The following RTL4 variants were observed in gnomAD, a reference collection of about 807,000 sequenced individuals.
RTL4 encodes retrotransposon Gag like 4.
RTL4 carries 4 observed loss-of-function variants against 5.3 expected under a neutral mutation model. That is an observed-to-expected ratio of 0.75 (90% CI 0.37 to 1.72). The LOEUF (loss-of-function observed/expected upper bound fraction) is 1.72, where lower values mean the gene tolerates loss of function less well. Ranked by LOEUF, RTL4 falls within the 40% of genes most tolerant of loss-of-function variation. The pLI, the probability that RTL4 is intolerant of heterozygous loss-of-function variation, is 0.04. For missense variants in RTL4, 260 were observed against 227.1 expected (o/e 1.14, Z -0.93); for synonymous variants, 98 against 87.3 (o/e 1.12, Z -0.68).
At chrX:112,312,063 A>G in the RTL4 span, among the ~76,000 whole-genome samples, 3 of 111,893 alleles carry the variant, frequency 2.7e-5, no homozygotes, top group Non-Finnish European at 5.6e-5. Flanking sequence ...TAACAATAAT[A>G]TTGGATAGTT....
the RTL4 span, among the ~76,000 whole-genome samples, chrX:112,122,386 A>G: frequency 9.0e-6 from 1 of 110,986 alleles, no homozygotes; most frequent in African/African-American, 3.3e-5. Flanking sequence ...AATTAAAACA[A>G]TTGAACTCAT....
At chrX:112,405,520 C>T in the RTL4 span, among the ~76,000 whole-genome samples, 1 of 112,163 alleles carries the variant, frequency 8.9e-6, no homozygotes, top group African/African-American at 3.2e-5. Flanking sequence ...TAGCTTGCTT[C>T]TCTTTCCAGG....
the RTL4 span, among the ~76,000 whole-genome samples, chrX:112,237,742 G>A: frequency 0.15 from 16,980 of 111,242 alleles, 897 homozygotes; most frequent in Non-Finnish European, 0.17. Context: ...ATTACCGAGC[G>A]TTACCTGTAT....
chrX:112,220,746 G>T, the RTL4 span, among the ~76,000 whole-genome samples: 160 of 112,179 alleles, frequency 1.4e-3, no homozygotes, highest in East Asian at 0.018. Flanking sequence ...CAGTCTCTTT[G>T]CTAAAGCATA....
chrX:112,311,020 G>T, the RTL4 span, among the ~76,000 whole-genome samples: 16 of 106,089 alleles, frequency 1.5e-4, no homozygotes, highest in African/African-American at 4.4e-4. Flanking sequence ...TGCAAAGGGG[G>T]AACTTGAGAT....
the RTL4 span, among the ~76,000 whole-genome samples, chrX:112,097,416 A>G: frequency 1.8e-5 from 2 of 111,331 alleles, no homozygotes; most frequent in Non-Finnish European, 3.8e-5. Flanking sequence ...TGAGAGGATC[A>G]CTTTAGCCCA....
the RTL4 span, among the ~76,000 whole-genome samples, chrX:112,414,577 A>C: frequency 9.0e-6 from 1 of 111,600 alleles, no homozygotes; most frequent in Non-Finnish European, 1.9e-5. Flanking sequence ...TGAATATCCT[A>C]TGTAAGGTGA....
At chrX:112,350,154 G>T in the RTL4 span, among the ~76,000 whole-genome samples, 1 of 111,088 alleles carries the variant, frequency 9.0e-6, no homozygotes, top group Non-Finnish European at 1.9e-5. Context: ...CTGTTTATAT[G>T]CTGGATTACG....
the RTL4 span, among the ~76,000 whole-genome samples, chrX:112,149,193 T>C: frequency 8.9e-6 from 1 of 112,077 alleles, no homozygotes; most frequent in Admixed American, 9.5e-5. Flanking sequence ...GTGCCTGCTA[T>C]GAGTGAGACC....
At chrX:112,095,302 TAGG>T in the RTL4 span, among the ~76,000 whole-genome samples, 1 of 111,290 alleles carries the variant, frequency 9.0e-6, no homozygotes. Flanking sequence ...GTGTGAAAGC[TAGG>T]AGGTTTGATG....
the RTL4 span, among the ~76,000 whole-genome samples, chrX:112,337,529 C>T: frequency 4.5e-5 from 5 of 111,603 alleles, no homozygotes; most frequent in Non-Finnish European, 9.4e-5. Context: ...GTGATCTGCC[C>T]ACCTTGGCCT....
the RTL4 span, among the ~76,000 whole-genome samples, chrX:112,434,062 C>G: frequency 9.8e-6 from 1 of 101,662 alleles, no homozygotes; most frequent in East Asian, 3.0e-4. Flanking sequence ...TTGAACCAGC[C>G]TTTCATCCCA....
the RTL4 span, among the ~76,000 whole-genome samples, chrX:112,107,922 G>A: frequency 9.0e-6 from 1 of 111,199 alleles, no homozygotes; most frequent in Non-Finnish European, 1.9e-5. Flanking sequence ...TTTCACTTTT[G>A]TATCTTTTTT....
the RTL4 span, among the ~76,000 whole-genome samples, chrX:112,111,456 G>A: frequency 1.8e-5 from 2 of 112,202 alleles, no homozygotes; most frequent in Non-Finnish European, 3.8e-5. Context: ...GTAAGACTGC[G>A]ACCTCCTTGG....
the RTL4 span, among the ~76,000 whole-genome samples, chrX:112,115,616 A>G: frequency 8.9e-6 from 1 of 111,872 alleles, no homozygotes; most frequent in Admixed American, 9.5e-5. Context: ...GAGGGATCCT[A>G]AAATTCCAGA....
At chrX:112,401,619 T>TA in the RTL4 span, among the ~76,000 whole-genome samples, 1 of 50,908 alleles carries the variant, frequency 2.0e-5, no homozygotes, top group East Asian at 4.4e-4. Context: ...AATTCTAGAC[T>TA]TTTTTTTTAC....
At chrX:112,419,050 A>G in the RTL4 span, among the ~76,000 whole-genome samples, 3 of 101,362 alleles carry the variant, frequency 3.0e-5, no homozygotes. Flanking sequence ...ATATATATAT[A>G]TATATCTTAT....
At chrX:112,295,441 T>C in the RTL4 span, among the ~76,000 whole-genome samples, 1 of 112,435 alleles carries the variant, frequency 8.9e-6, no homozygotes, top group African/African-American at 3.2e-5. Flanking sequence ...TTTGTTGCCT[T>C]CAAGTGGTTT....
At chrX:112,226,149 T>A in the RTL4 span, among the ~76,000 whole-genome samples, 4 of 112,080 alleles carry the variant, frequency 3.6e-5, no homozygotes, top group African/African-American at 6.5e-5. Flanking sequence ...TGAATGCAAA[T>A]GTAAGTGTCA....
Sources: gnomAD v4.1 joint callset for allele counts (sites outside exome capture counted in the v4.1 genomes callset) on GRCh38, gnomAD v4.1.1 for gene constraint, MANE v1.5 for transcripts, NCBI Gene and HGNC (gene_info 2026-07-23, HGNC 2026-07-21) for gene names.